The following CDH13 variants were observed in gnomAD, a reference collection of about 807,000 sequenced individuals.
CDH13 encodes cadherin-13.
A neutral mutation model predicts 63.8 loss-of-function variants in CDH13; 24 were observed. The observed-to-expected ratio is 0.38, with a 90% CI of 0.27 to 0.53. The LOEUF (loss-of-function observed/expected upper bound fraction) is 0.53, where lower values mean the gene tolerates loss of function less well. Among genes scored for constraint, CDH13 ranks in the 20% least tolerant of loss-of-function variants. The probability of loss-of-function intolerance (pLI) is 0.85; values close to 1 mark genes in which losing one functional copy is unlikely to be tolerated. For synonymous variants in CDH13, 503 were observed against 355.3 expected (o/e 1.42, Z -4.67); for missense variants, 1,049 against 903.1 (o/e 1.16, Z -2.07).
At chr16:83,018,958 T>C (rs1915078472) in intron 2 of CDH13, among the ~76,000 whole-genome samples, 1 of 152,170 alleles carries the variant, frequency 6.6e-6, no homozygotes, top group Admixed American at 6.5e-5. Flanking sequence ...ATGCTCTGGG[T>C]GAGTCAGTGA....
intron 4 of CDH13, among the ~76,000 whole-genome samples, chr16:83,207,029 T>A (rs2039202493): frequency 6.6e-6 from 1 of 152,240 alleles, no homozygotes; most frequent in Non-Finnish European, 1.5e-5. Context: ...ATAGAGGATC[T>A]GAATAGTTTA....
At chr16:83,050,160 A>T (rs1176387393) in intron 3 of CDH13, among the ~76,000 whole-genome samples, 2 of 152,090 alleles carry the variant, frequency 1.3e-5, no homozygotes, top group Non-Finnish European at 2.9e-5. Context: ...CTGCTTATTG[A>T]CCACAGCAGC....
chr16:82,784,984 C>T (rs2035935542), intron 1 of CDH13, among the ~76,000 whole-genome samples: 1 of 152,156 alleles, frequency 6.6e-6, no homozygotes, highest in South Asian at 2.1e-4. Flanking sequence ...TCTTCCTGGA[C>T]TCAGACAGTT....
chr16:83,260,187 G>C (rs902591731), intron 5 of CDH13, among the ~76,000 whole-genome samples: 6 of 150,204 alleles, frequency 4.0e-5, no homozygotes, highest in Non-Finnish European at 7.4e-5. Context: ...AGTCTATGTG[G>C]TGCTTTGTAG....
chr16:83,467,449 G>C (rs975372124), intron 6 of CDH13, among the ~76,000 whole-genome samples: 3 of 152,084 alleles, frequency 2.0e-5, no homozygotes, highest in African/African-American at 7.2e-5. Flanking sequence ...TAGATGCCTG[G>C]AGTGCAGACA....
intron 5 of CDH13, among the ~76,000 whole-genome samples, chr16:83,267,501 C>A (rs72802293): frequency 1.2e-4 from 18 of 152,056 alleles, no homozygotes; most frequent in Non-Finnish European, 2.5e-4. Flanking sequence ...TTAATTGCCA[C>A]TGTGATGATA....
At chr16:83,490,309 T>G (rs1019634273) in intron 7 of CDH13, among the ~76,000 whole-genome samples, 1 of 152,152 alleles carries the variant, frequency 6.6e-6, no homozygotes, top group Non-Finnish European at 1.5e-5. Context: ...GCACTGGGAA[T>G]TTTCTGTGAA....
At chr16:83,690,579 G>T (rs1217205027) in intron 10 of CDH13, among the ~76,000 whole-genome samples, 1 of 152,096 alleles carries the variant, frequency 6.6e-6, no homozygotes, top group African/African-American at 2.4e-5. Context: ...TAGGAAAGGG[G>T]GCAATTAAGG....
At chr16:83,176,097 G>C (rs1419479430) in intron 4 of CDH13, among the ~76,000 whole-genome samples, 1 of 151,250 alleles carries the variant, frequency 6.6e-6, no homozygotes, top group Non-Finnish European at 1.5e-5. Flanking sequence ...TCATCCACTT[G>C]CCTCGGTCTC....
intron 5 of CDH13, among the ~76,000 whole-genome samples, chr16:83,231,636 A>G (rs182493113): frequency 1.4e-4 from 21 of 152,204 alleles, no homozygotes; most frequent in African/African-American, 5.1e-4. Flanking sequence ...CTCATTGCAT[A>G]TTGTCTGTGG....
At position 83,445,233 on chromosome 16, in the gene CDH13, GTTTATAA is replaced by G. The variant is rs368067548; in HGVS notation, c.782-41236_782-41230del. Among the ~76,000 whole-genome samples, 620 of 138,912 alleles carry G rather than the reference GTTTATAA, an allele frequency of 4.5e-3. 7 individuals are homozygous for G. Among genetic ancestry groups the G allele is most frequent in the African/African-American group, 0.011 (430 of 39,430 alleles). The allele number at this position is 138,912 out of a possible 152,430, so 91.1% of individuals were successfully genotyped here. On this transcript the variant is annotated intron_variant, in intron 6 of 13. Coordinates refer to ENST00000567109, the MANE Select transcript of CDH13 (RefSeq NM_001257.5). Reference sequence around the variant, plus strand: ...AGCTGAGGAAACTGAGGCTGCGAGAGTTTATAATTTATAAAAGCTTTTATAATTTATA... The same window carrying G: ...AGCTGAGGAAACTGAGGCTGCGAGAGTTTATAAAAGCTTTTATAATTTATA...
At chr16:83,302,902 G>A (rs542331200) in intron 5 of CDH13, among the ~76,000 whole-genome samples, 1 of 152,208 alleles carries the variant, frequency 6.6e-6, no homozygotes, top group South Asian at 2.1e-4. Flanking sequence ...AAACTGGGAG[G>A]TCAGAGGAAG....
At chr16:83,185,695 T>G (rs1375581031) in intron 4 of CDH13, among the ~76,000 whole-genome samples, 1 of 152,240 alleles carries the variant, frequency 6.6e-6, no homozygotes, top group Non-Finnish European at 1.5e-5. Context: ...GGAAATGTTC[T>G]GCAGGTTATC....
At chr16:83,233,531 A>C (rs1452466240) in intron 5 of CDH13, among the ~76,000 whole-genome samples, 1 of 152,202 alleles carries the variant, frequency 6.6e-6, no homozygotes, top group Non-Finnish European at 1.5e-5. Flanking sequence ...GCTAAAACCA[A>C]GCTGTGGGCA....
At chr16:83,618,795 G>A (rs538031959) in intron 8 of CDH13, among the ~76,000 whole-genome samples, 6 of 151,928 alleles carry the variant, frequency 3.9e-5, no homozygotes, top group African/African-American at 1.2e-4. Flanking sequence ...TAAAGGAATC[G>A]TTAGAGTGGA....
chr16:82,951,784 C>T (rs542468103), intron 2 of CDH13, among the ~76,000 whole-genome samples: 1 of 152,280 alleles, frequency 6.6e-6, no homozygotes, highest in African/African-American at 2.4e-5. Context: ...TATTCAAGGA[C>T]ATAAATTCAC....
intron 2 of CDH13, among the ~76,000 whole-genome samples, chr16:82,936,338 C>T (rs139619704): frequency 9.0e-4 from 137 of 152,272 alleles, no homozygotes; most frequent in African/African-American, 3.0e-3. Flanking sequence ...TTCTTAACTC[C>T]TGTATCATCA....
chr16:83,450,504 A>G (rs1394679126), intron 6 of CDH13, among the ~76,000 whole-genome samples: 1 of 152,230 alleles, frequency 6.6e-6, no homozygotes, highest in Non-Finnish European at 1.5e-5. Flanking sequence ...CTTTATAGGC[A>G]TGCCAAATAC....
chr16:83,557,121 G>A (rs536480226), intron 7 of CDH13, among the ~76,000 whole-genome samples: 1 of 152,256 alleles, frequency 6.6e-6, no homozygotes, highest in Non-Finnish European at 1.5e-5. Context: ...CAGCATTAGA[G>A]TCTCATAGGA....
Sources: allele counts gnomAD v4.1 joint callset (sites outside exome capture counted in the v4.1 genomes callset), GRCh38; gene constraint gnomAD v4.1.1; transcripts MANE v1.5; gene names NCBI Gene and HGNC (gene_info 2026-07-23, HGNC 2026-07-21).